KDM1B: variants seen among roughly 807,000 people sequenced by gnomAD.
The protein encoded by KDM1B is lysine-specific histone demethylase 2.
In KDM1B, 63 loss-of-function variants were observed where a neutral mutation model predicts 107.4. The observed-to-expected ratio is 0.59, with a 90% CI of 0.48 to 0.72. The LOEUF (loss-of-function observed/expected upper bound fraction) is 0.72, where lower values mean the gene tolerates loss of function less well. Ranked by LOEUF, KDM1B falls within the 30% of genes least tolerant of loss-of-function variation. The pLI is 0.00. For synonymous variants in KDM1B, 363 were observed against 363.9 expected (o/e 1.00, Z 0.03); for missense variants, 749 against 1,020.8 (o/e 0.73, Z 3.63).
intron 5 of KDM1B, among the ~76,000 whole-genome samples, chr6:18,164,411 T>C (rs1383393144): frequency 6.6e-6 from 1 of 151,892 alleles, no homozygotes. Flanking sequence ...TATAGCACTT[T>C]GGTGGTAGCT....
At chr6:18,179,038 A>G (rs148743839) in intron 7 of KDM1B, among the ~76,000 whole-genome samples, 2,622 of 152,324 alleles carry the variant, frequency 0.017, 39 homozygotes, top group Non-Finnish European at 0.024. Flanking sequence ...AGTGTTGGCT[A>G]TAGCTCTTTG....
chr6:18,208,617 A>ATATATATATATATATATATATT (rs1561949563), intron 17 of KDM1B, among the ~76,000 whole-genome samples: 1 of 34,932 alleles, frequency 2.9e-5, no homozygotes, highest in African/African-American at 1.0e-4. Context: ...ATATATATAT[A>ATATATATATATATATATATATT]TATATATATA....
At chr6:18,220,051 C>T (rs1214693731) in intron 21 of KDM1B, among the ~76,000 whole-genome samples, 1 of 152,194 alleles carries the variant, frequency 6.6e-6, no homozygotes, top group Non-Finnish European at 1.5e-5. Flanking sequence ...CCTCTGCCTC[C>T]ATGGTTCCTC....
chr6:18,157,905 G>A (rs961733169), intron 2 of KDM1B, among the ~76,000 whole-genome samples: 4 of 147,188 alleles, frequency 2.7e-5, no homozygotes, highest in African/African-American at 1.0e-4. Flanking sequence ...CTCCGCCTGC[G>A]GGGTTCATGC....
At position 18,213,841 on chromosome 6, in the gene KDM1B, A is replaced by G; in HGVS notation, c.2109+60A>G. On this transcript the variant is annotated intron_variant, in intron 19 of 21. Transcript: ENST00000650836. This position sits in a 1 kb window ranked among gnomAD's most constrained non-coding sequence, Gnocchi z 5.9. Reference sequence around the variant, plus strand: ...GTCTTAAAGTTTAGAATTTGATGTGATAATTACTCACCTATCAAGCTCAGG... The same window carrying G: ...GTCTTAAAGTTTAGAATTTGATGTGGTAATTACTCACCTATCAAGCTCAGG... 2 of 1,577,650 alleles carry G rather than the reference A, an allele frequency of 1.3e-6. No homozygotes were observed. Among genetic ancestry groups the G allele is most frequent in the East Asian group, 2.2e-5 (1 of 44,654 alleles).
rs538520884 is a variant in KDM1B, at chr6:18,197,203, C to T, written c.1116C>T (p.Asp372=). The T allele has an allele frequency of 1.9e-6, 3 of 1,614,060 alleles. No homozygotes were observed. In the East Asian group the frequency reaches 6.7e-5, roughly 36 times the overall value. Reference sequence around the variant, plus strand: ...CTGGAGTTCTCAGCGTGGGAGCCGACCAGTATCTTCTCCCTAAGGACTACC... The same window carrying T: ...CTGGAGTTCTCAGCGTGGGAGCCGATCAGTATCTTCTCCCTAAGGACTACC... The part of the protein sequence containing the change: ...INTGVLSVGA[D]QYLLPKDYHN... The change falls in exon 11 of 22, where the codon GAC becomes GAT. Residue 372 remains aspartate (D), a synonymous_variant. Coordinates refer to ENST00000650836, the MANE Select transcript of KDM1B (RefSeq NM_001364614.2). The surrounding 1 kb of genome is among the most constrained non-coding windows in gnomAD (Gnocchi z 4.5).
At position 18,214,685 on chromosome 6, in the gene KDM1B, GGATCACCTGAGGTCA is replaced by G. The variant is rs1789089796; in HGVS notation, c.2110-320_2110-306del. Among the ~76,000 whole-genome samples the G allele has an allele frequency of 6.6e-6, 1 of 152,144 alleles. No individual in the cohort carries two copies. Among genetic ancestry groups the G allele is most frequent in the Non-Finnish European group, 1.5e-5 (1 of 68,024 alleles). On this transcript the variant is annotated intron_variant, in intron 19 of 21. Coordinates refer to ENST00000650836, the MANE Select transcript of KDM1B (RefSeq NM_001364614.2). The surrounding 1 kb of genome is among the most constrained non-coding windows in gnomAD (Gnocchi z 4.4). Reference sequence around the variant, plus strand: ...AGCACTTTGGGAGGCCGAGGTGGGTGGATCACCTGAGGTCAGGAGTTTGAGACCAGTCTGGCCAAC... The same window carrying G: ...AGCACTTTGGGAGGCCGAGGTGGGTGGGAGTTTGAGACCAGTCTGGCCAAC...
At chr6:18,170,370 C>T (rs561151105) in intron 6 of KDM1B, among the ~76,000 whole-genome samples, 4 of 152,144 alleles carry the variant, frequency 2.6e-5, no homozygotes, top group Non-Finnish European at 4.4e-5. Context: ...TGGATTTCAT[C>T]AGTTTCTTCA....
intron 7 of KDM1B, among the ~76,000 whole-genome samples, chr6:18,174,242 C>CT (rs140242930): frequency 0.13 from 19,031 of 151,464 alleles, 1,258 homozygotes; most frequent in South Asian, 0.19. Context: ...ATTCTTCTAA[C>CT]TTTTTTTTTG....
Position 18,164,794 on chromosome 6 carries a change from C to T in KDM1B, c.306-1473C>T, listed in dbSNP as rs376290049. On this transcript the variant is annotated intron_variant, in intron 5 of 21. Coordinates refer to ENST00000650836, the MANE Select transcript of KDM1B (RefSeq NM_001364614.2). ...CTGAGTAGCTGGGATTACAGGTGTG[C>T]GCCACCATGCCCAGCTAATTTTTGT... Among the ~76,000 whole-genome samples, 8 of 151,952 alleles carry T rather than the reference C, an allele frequency of 5.3e-5. No individual in the cohort carries two copies. In the East Asian group the frequency reaches 7.8e-4, roughly 15 times the overall value.
At position 18,203,749 on chromosome 6, in the gene KDM1B, A is replaced by T. The variant is rs141073667; in HGVS notation, c.1532-1788A>T. On this transcript the variant is annotated intron_variant, in intron 14 of 21. Transcript: ENST00000650836. The surrounding 1 kb of genome is among the most constrained non-coding windows in gnomAD (Gnocchi z 5.5). The stretch of plus-strand genomic sequence containing the variant: ...ATGCCTGTAATCCCAGGTATTTGGG[A>T]TGCTGAGGCAGGAGAATCACTTGAA... 6.6e-6 allele frequency among the ~76,000 whole-genome samples: 1 copy of T among 151,424 alleles called. No individual in the cohort carries two copies. The highest frequency in any genetic ancestry group is 2.4e-5 in the African/African-American group (1 of 41,256).
chr6:18,217,553 A>G (rs1469240399), intron 20 of KDM1B, among the ~76,000 whole-genome samples, 180 bp from the exon 21 acceptor site: 2 of 151,466 alleles, frequency 1.3e-5, no homozygotes, highest in Non-Finnish European at 3.0e-5. Flanking sequence ...TAATTTTTCT[A>G]TTTTTAGTAG....
At chr6:18,219,160 C>T (rs1277373953) in intron 21 of KDM1B, among the ~76,000 whole-genome samples, 1 of 152,132 alleles carries the variant, frequency 6.6e-6, no homozygotes, top group African/African-American at 2.4e-5. Flanking sequence ...CCTCAGCCTC[C>T]CAAAGTGCTG....
rs188978962 is a variant in KDM1B, at chr6:18,168,209, A to G, written c.417+1831A>G. 2.4e-3 allele frequency among the ~76,000 whole-genome samples: 363 copies of G among 152,342 alleles called. 1 individual carries two copies. The highest frequency in any genetic ancestry group is 8.2e-3 in the African/African-American group (341 of 41,582). On this transcript the variant is annotated intron_variant, in intron 6 of 21. Coordinates refer to ENST00000650836, the MANE Select transcript of KDM1B (RefSeq NM_001364614.2). The stretch of plus-strand genomic sequence containing the variant: ...CTTAGTATATTCACAATGTTATGCA[A>G]TTACCACCCCTATCTAATTCCAAAG...
intron 21 of KDM1B, among the ~76,000 whole-genome samples, chr6:18,220,223 G>GT: frequency 6.6e-6 from 1 of 152,286 alleles, no homozygotes; most frequent in South Asian, 2.1e-4. Flanking sequence ...ACGTCTCATT[G>GT]TTTCATCTAA....
chr6:18,202,818 TAGG>T (rs1788128319), intron 14 of KDM1B, among the ~76,000 whole-genome samples: 1 of 152,210 alleles, frequency 6.6e-6, no homozygotes, highest in Non-Finnish European at 1.5e-5. Flanking sequence ...CCACCACCTC[TAGG>T]AGACCTATGC....
rs186158921 is a variant in KDM1B at position 18,217,861 on chromosome 6, A to G, written c.2361A>G (p.Gln787=). ...ACGATATCATTGCTGAAGACATTCA[A>G]GGAACCGTCTTTTTCGCTGGTGAGG... ...EAYDIIAEDI[Q]GTVFFAGEAT... Residue 787 remains glutamine (Q), a synonymous_variant, in exon 21 of 22, where the codon CAA becomes CAG. Coordinates refer to ENST00000650836, the MANE Select transcript of KDM1B (RefSeq NM_001364614.2). 2.5e-6 allele frequency: 4 copies of G among 1,612,830 alleles called. No homozygotes were observed. Among genetic ancestry groups the G allele is most frequent in the African/African-American group, 2.7e-5 (2 of 74,828 alleles).
At chr6:18,208,061 T>C in intron 16 of KDM1B, 71 bp from the exon 17 acceptor site, 1 of 1,086,606 alleles carries the variant, frequency 9.2e-7, no homozygotes, top group Non-Finnish European at 1.4e-6. Context: ...TCATGTAATA[T>C]GAGAATCGGA....
In KDM1B at chr6:18,201,611, T is replaced by C. The variant is rs1394213655; in HGVS notation, c.1485T>C (p.Ser495=). ...FHFNALLDVV[S]EWRKDKTQLQ... ...TTAATGCTCTCTTGGATGTTGTCTC[T>C]GAGTGGAGAAAGGATAAGACTCAGC... The change falls in exon 14 of 22, where the codon TCT becomes TCC. Residue 495 remains serine (S), a synonymous_variant. Coordinates refer to ENST00000650836, the MANE Select transcript of KDM1B (RefSeq NM_001364614.2). The surrounding 1 kb of genome is among the most constrained non-coding windows in gnomAD (Gnocchi z 4.3). The C allele has an allele frequency of 3.9e-6, 6 of 1,550,932 alleles. No individual in the cohort carries two copies. Among genetic ancestry groups the C allele is most frequent in the Non-Finnish European group, 4.4e-6 (5 of 1,147,004 alleles).
Sources: gnomAD v4.1 joint callset for allele counts (sites outside exome capture counted in the v4.1 genomes callset) on GRCh38, gnomAD v4.1.1 for gene constraint, Gnocchi (gnomAD v3.1) non-coding constraint, MANE v1.5 for transcripts, NCBI Gene and HGNC (gene_info 2026-07-23, HGNC 2026-07-21) for gene names.